Variants in DNAH11 observed in about 807,000 individuals in gnomAD.
DNAH11 encodes the protein axonemal beta dynein heavy chain 11.
A neutral mutation model predicts 526.0 loss-of-function variants in DNAH11; 442 were observed. That is an observed-to-expected ratio of 0.84 (90% CI 0.78 to 0.91). DNAH11 has a LOEUF of 0.91. Among genes scored for constraint, DNAH11 ranks in the 40% least tolerant of loss-of-function variants. The pLI is 0.00. For missense variants in DNAH11, 6,989 were observed against 5,448.7 expected (o/e 1.28, Z -8.90); for synonymous variants, 2,461 against 1,935.9 (o/e 1.27, Z -7.12).
chr7:21,679,567 TAAAGCTGTCGTGTATCCTGA>T (rs1210658532), intron 30 of DNAH11, among the ~76,000 whole-genome samples: 2 of 152,226 alleles, frequency 1.3e-5, no homozygotes, highest in African/African-American at 4.8e-5. Flanking sequence ...CAAATGCTTA[TAAAGCTGTCGTGTATCCTGA>T]ATATCTAGGG....
chr7:21,880,622 C>G, intron 74 of DNAH11, 80 bp from the exon 75 acceptor site: 1 of 1,483,708 alleles, frequency 6.7e-7, no homozygotes, highest in South Asian at 1.2e-5. Flanking sequence ...AAGTTCTTTA[C>G]AAGATTATTG....
At chr7:21,609,400 A>G (rs1418371497) in intron 20 of DNAH11, among the ~76,000 whole-genome samples, 1 of 152,044 alleles carries the variant, frequency 6.6e-6, no homozygotes, top group Non-Finnish European at 1.5e-5. Flanking sequence ...TTGTATTTTT[A>G]GTAGAGACAG....
chr7:21,809,261 A>G (rs1376639844), intron 63 of DNAH11, among the ~76,000 whole-genome samples: 1 of 152,060 alleles, frequency 6.6e-6, no homozygotes, highest in Non-Finnish European at 1.5e-5. Flanking sequence ...GAGTTGTTTG[A>G]GTTCCTTATG....
intron 31 of DNAH11, among the ~76,000 whole-genome samples, chr7:21,682,141 C>A (rs931027318): frequency 1.1e-4 from 16 of 152,138 alleles, no homozygotes; most frequent in African/African-American, 3.6e-4. Flanking sequence ...CTTGGGTAAT[C>A]CTTTGTCTCT....
At chr7:21,719,859 C>T (rs1347002997) in intron 43 of DNAH11, among the ~76,000 whole-genome samples, 1 of 152,166 alleles carries the variant, frequency 6.6e-6, no homozygotes, top group Non-Finnish European at 1.5e-5. Flanking sequence ...GGAAGAGTCT[C>T]TTGAGTTTTT....
chr7:21,718,031 T>G, intron 43 of DNAH11, 106 bp downstream of exon 43: 3 of 1,460,112 alleles, frequency 2.1e-6, no homozygotes, highest in Non-Finnish European at 2.8e-6. Flanking sequence ...AGAAGATTTC[T>G]GGAATTGTTA....
At chr7:21,665,286 C>T (rs999023097) in intron 30 of DNAH11, among the ~76,000 whole-genome samples, 16 of 152,078 alleles carry the variant, frequency 1.1e-4, no homozygotes, top group Non-Finnish European at 1.9e-4. Context: ...TATTGCAAGA[C>T]CACCTATTAT....
intron 60 of DNAH11, among the ~76,000 whole-genome samples, chr7:21,787,825 G>C (rs572430703): frequency 6.6e-6 from 1 of 152,128 alleles, no homozygotes; most frequent in Non-Finnish European, 1.5e-5. Context: ...AGAGCAGTAA[G>C]TAATTAGATG....
At chr7:21,746,742 C>G (rs1786168786) in intron 51 of DNAH11, among the ~76,000 whole-genome samples, 1 of 152,180 alleles carries the variant, frequency 6.6e-6, no homozygotes. Flanking sequence ...GTCACCACAA[C>G]TAACTGTTGG....
In DNAH11 at chr7:21,725,692, A is replaced by T. The variant is rs1018626219; in HGVS notation, c.7267-119A>T. 16 of 946,870 alleles carry T rather than the reference A, an allele frequency of 1.7e-5. No individual in the cohort carries two copies. The African/African-American group carries it at 2.5e-4, about 15-fold the overall frequency. 58.7% of individuals were successfully genotyped at this position (946,870 alleles called of 1,614,324 possible). A position where few individuals can be genotyped will look rare whatever the true frequency, so the allele number is the denominator to read the frequency against. On this transcript the variant is annotated intron_variant, in intron 44 of 81. Transcript: ENST00000409508. Reference sequence around the variant, plus strand: ...AATTATTTCACAAAATTTGTGCTTGATGGGTATATGGCAATTTTAGGTTTC... The same window carrying T: ...AATTATTTCACAAAATTTGTGCTTGTTGGGTATATGGCAATTTTAGGTTTC...
chr7:21,702,908 A>G lies in DNAH11; in HGVS notation c.6273+106A>G, dbSNP rs1482003510. The stretch of plus-strand genomic sequence containing the variant: ...GGCATGGACAGCACAACTTTTAAAA[A>G]GCATAACATCTGTTGTTAATGCAGG... On this transcript the variant is annotated intron_variant, in intron 37 of 81. Coordinates refer to ENST00000409508, the MANE Select transcript of DNAH11 (RefSeq NM_001277115.2). 7 of 981,048 alleles carry G rather than the reference A, an allele frequency of 7.1e-6. No individual in the cohort carries two copies. The East Asian group carries it at 1.9e-4, about 26-fold the overall frequency. 60.8% of individuals were successfully genotyped at this position (981,048 alleles called of 1,614,324 possible). A position where few individuals can be genotyped will look rare whatever the true frequency, so the allele number is the denominator to read the frequency against.
intron 63 of DNAH11, among the ~76,000 whole-genome samples, chr7:21,808,757 A>G (rs528879386): frequency 3.3e-5 from 5 of 152,272 alleles, no homozygotes; most frequent in East Asian, 1.9e-4. Context: ...GTGCATGTAT[A>G]TCATGTTTTC....
At position 21,893,265 on chromosome 7, in the gene DNAH11, T is replaced by A. The variant is rs184842006; in HGVS notation, c.12750+598T>A. ...GCTTTAATAGTATTCCCAATCAGTT[T>A]TCTCCAGTGGCTGTACCAGTTACTT... On this transcript the variant is annotated intron_variant, in intron 77 of 81. Transcript: ENST00000409508. Among the ~76,000 whole-genome samples the A allele has an allele frequency of 2.3e-3, 353 of 152,360 alleles. 5 individuals are homozygous for A. The highest frequency in any genetic ancestry group is 6.3e-4 in the Non-Finnish European group (43 of 68,030).
chr7:21,744,854 C>G lies in DNAH11; in HGVS notation c.8317-16C>G, dbSNP rs76300792. 3,803 of 1,593,106 alleles carry G rather than the reference C, an allele frequency of 2.4e-3. 73 individuals carry two copies. The African/African-American group carries it at 0.044, about 18-fold the overall frequency. On this transcript the variant is annotated splice_polypyrimidine_tract_variant and intron_variant, in intron 50 of 81. Coordinates refer to ENST00000409508, the MANE Select transcript of DNAH11 (RefSeq NM_001277115.2). ...GATGGTTGACATGCCATATTTTTCT[C>G]TTTCTCATCCTGCAGGGTATAGATA...
chr7:21,899,134 C>T (rs1295327397), intron 79 of DNAH11, among the ~76,000 whole-genome samples: 1 of 152,202 alleles, frequency 6.6e-6, no homozygotes, highest in African/African-American at 2.4e-5. Flanking sequence ...GTAAACGCTA[C>T]AGTCATCAAG....
chr7:21,896,722 GATCTTCATTAT>G (rs1784527712), intron 79 of DNAH11, among the ~76,000 whole-genome samples: 1 of 152,076 alleles, frequency 6.6e-6, no homozygotes, highest in Non-Finnish European at 1.5e-5. Flanking sequence ...AGTTCTGGGT[GATCTTCATTAT>G]ATCTTCAACT....
chr7:21,757,626 C>G (rs1252623772), intron 54 of DNAH11, among the ~76,000 whole-genome samples: 2 of 152,214 alleles, frequency 1.3e-5, no homozygotes, highest in Admixed American at 6.5e-5. Flanking sequence ...ATTTCTTCCT[C>G]TGGCTCCACT....
chr7:21,740,572 G>A (rs545214477), intron 48 of DNAH11, among the ~76,000 whole-genome samples: 25 of 152,256 alleles, frequency 1.6e-4, no homozygotes, highest in Middle Eastern at 3.4e-3. Context: ...ATGTAAGACC[G>A]AGTCATATTC....
chr7:21,797,108 CAA>C (rs1209227665), intron 61 of DNAH11, among the ~76,000 whole-genome samples: 1 of 151,768 alleles, frequency 6.6e-6, no homozygotes, highest in East Asian at 1.9e-4. Context: ...TTTTTGAAAA[CAA>C]GGAGAAAGGT....
Sources: allele counts gnomAD v4.1 joint callset (sites outside exome capture counted in the v4.1 genomes callset), GRCh38; gene constraint gnomAD v4.1.1; transcripts MANE v1.5; gene names NCBI Gene and HGNC (gene_info 2026-07-23, HGNC 2026-07-21).